SCUBE2: variants seen among roughly 807,000 people sequenced by gnomAD.
The protein encoded by SCUBE2 is signal peptide, CUB and EGF-like domain-containing protein 2.
Under a neutral mutation model 125.9 loss-of-function variants are expected in SCUBE2, and 114 were observed. The observed-to-expected ratio is 0.91, with a 90% CI of 0.78 to 1.06. SCUBE2 has a LOEUF of 1.06. SCUBE2 is among the 50% of genes least tolerant of loss of function. The pLI, the probability that SCUBE2 is intolerant of heterozygous loss-of-function variation, is 0.00. For missense variants in SCUBE2, 1,255 were observed against 1,301.8 expected (o/e 0.96, Z 0.55); for synonymous variants, 459 against 492.9 (o/e 0.93, Z 0.91).
intron 16 of SCUBE2, among the ~76,000 whole-genome samples, chr11:9,043,802 ATTTT>A (rs56287123): frequency 2.1e-5 from 3 of 140,282 alleles, no homozygotes; most frequent in Non-Finnish European, 3.1e-5. Context: ...TAAAATGACT[ATTTT>A]TTTTTTTTTT....
chr11:9,091,168 C>G lies in SCUBE2; in HGVS notation c.133+228G>C, dbSNP rs972481175. ...GAGGCATCCGGACCGGGGCGGGAAC[C>G]GTCAGCAGCTCCGGGTCCGAGGCCG... is the stretch of plus-strand genomic sequence containing the variant. On this transcript the variant is annotated intron_variant, in intron 1 of 22. Transcript: ENST00000649792. The surrounding 1 kb of genome is among the most constrained non-coding windows in gnomAD (Gnocchi z 8.5). Among the ~76,000 whole-genome samples the G allele has an allele frequency of 3.3e-5, 5 of 152,150 alleles. No individual in the cohort carries two copies. The highest frequency in any genetic ancestry group is 1.2e-4 in the African/African-American group (5 of 41,448).
chr11:9,045,828 C>A (rs1857675373), intron 16 of SCUBE2, among the ~76,000 whole-genome samples: 1 of 152,064 alleles, frequency 6.6e-6, no homozygotes, highest in Non-Finnish European at 1.5e-5. Flanking sequence ...AGACCTGGAC[C>A]TGATTTGATG....
Position 9,074,571 on chromosome 11 carries a change from A to G in SCUBE2, c.427T>C (p.Cys143Arg), listed in dbSNP as rs1406876554. ...LENNGGCQHT[C>R]VNVMGSYECC... ...TCATAGCTCCCCATGACGTTGACAC[A>G]GGTATGCTGGCAGCCGCCATTGTTC... is the stretch of plus-strand genomic sequence containing the variant. The change falls in exon 4 of 23, where the codon TGT becomes CGT. Residue 143 changes from cysteine (C) to arginine (R), a missense_variant. By Grantham distance (180) the Cys-to-Arg change is radical. Coordinates refer to ENST00000649792, the MANE Select transcript of SCUBE2 (RefSeq NM_001367977.2). The G allele has an allele frequency of 6.2e-7, 1 of 1,614,214 alleles. No homozygotes were observed. The highest frequency in any genetic ancestry group is 1.1e-5 in the South Asian group (1 of 91,086).
chr11:9,073,325 GT>G (rs1384143524), intron 4 of SCUBE2, among the ~76,000 whole-genome samples: 1 of 152,160 alleles, frequency 6.6e-6, no homozygotes, highest in Non-Finnish European at 1.5e-5. Flanking sequence ...ATCAAAGCCA[GT>G]ATGTGTGACT....
chr11:9,025,742 G>C lies in SCUBE2; in HGVS notation c.2814C>G (p.Asn938Lys), dbSNP rs1168291244. Reference sequence around the variant, plus strand: ...ATGGGACCTGGAACCCTCTAGCGCTGTTCCCTTCATTGGACTTGAACTGAA... The same window carrying C: ...ATGGGACCTGGAACCCTCTAGCGCTCTTCCCTTCATTGGACTTGAACTGAA... ...LWIQFKSNEG[N>K]SARGFQVPYV... Residue 938 changes from asparagine to lysine, a missense_variant, in exon 21 of 23, where the codon AAC (asparagine) becomes AAG (lysine). Physicochemically the swap from Asn to Lys is moderately conservative, Grantham distance 94. This residue lies in a region of SCUBE2 where 515 missense variants were observed against 515.7 expected (regional missense o/e 1.00). Transcript: ENST00000649792. The C allele has an allele frequency of 1.9e-6, 3 of 1,614,080 alleles. No homozygotes were observed. Among genetic ancestry groups the C allele is most frequent in the South Asian group, 1.1e-5 (1 of 91,080 alleles).
intron 16 of SCUBE2, among the ~76,000 whole-genome samples, chr11:9,034,657 T>C (rs1856603371): frequency 6.6e-6 from 1 of 152,078 alleles, no homozygotes; most frequent in Admixed American, 6.5e-5. Flanking sequence ...TCAAGACCCT[T>C]ACAAAATAGC....
Position 9,030,940 on chromosome 11 carries a change from AGCCTTACGTGAGCAAG to A in SCUBE2, c.2174-31_2174-16del. Reference sequence around the variant, plus strand: ...TTGACACAGACCTGGAAGGACCAATAGCCTTACGTGAGCAAGGCCTCCAGGCAGACCCTTGCTCCCC... The same window carrying A: ...TTGACACAGACCTGGAAGGACCAATAGCCTCCAGGCAGACCCTTGCTCCCC... On this transcript the variant is annotated splice_polypyrimidine_tract_variant and intron_variant, in intron 17 of 22. Coordinates refer to ENST00000649792, the MANE Select transcript of SCUBE2 (RefSeq NM_001367977.2). 6.2e-7 allele frequency: 1 copy of A among 1,608,720 alleles called. No homozygotes were observed. The highest frequency in any genetic ancestry group is 8.5e-7 in the Non-Finnish European group (1 of 1,176,708).
At chr11:9,052,624 C>T (rs570072794) in intron 13 of SCUBE2, 122 bp downstream of exon 13, 1 of 701,884 alleles carries the variant, frequency 1.4e-6, no homozygotes, top group Non-Finnish European at 2.3e-6. Context: ...CTGGAACATG[C>T]TCACAGCATC....
At chr11:9,089,196 C>T (rs996213706) in intron 2 of SCUBE2, among the ~76,000 whole-genome samples, 4 of 152,200 alleles carry the variant, frequency 2.6e-5, no homozygotes, top group Admixed American at 2.6e-4. Context: ...TAACTCCAAA[C>T]GAGGAAGGTC....
chr11:9,089,923 C>T (rs1862491973), intron 1 of SCUBE2, 94 bp from the exon 2 acceptor site: 6 of 1,456,308 alleles, frequency 4.1e-6, no homozygotes, highest in Non-Finnish European at 5.5e-6. Context: ...CCAGCCCACC[C>T]CGCTTCACTC....
chr11:9,081,666 AAACAAAC>A (rs1477179897), intron 2 of SCUBE2, among the ~76,000 whole-genome samples: 2 of 143,606 alleles, frequency 1.4e-5, no homozygotes, highest in Non-Finnish European at 3.0e-5. Context: ...AAAAACAAAC[AAACAAAC>A]AAAAAAAAAA....
At chr11:9,029,859 T>C (rs3751058) in intron 19 of SCUBE2, 25 bp downstream of exon 19, 178,925 of 1,613,456 alleles carry the variant, frequency 0.11, 11,128 homozygotes, top group South Asian at 0.23. Context: ...GCCAGAACTA[T>C]GAAAAGCCTT....
chr11:9,033,220 A>C (rs1856466112), intron 17 of SCUBE2, among the ~76,000 whole-genome samples: 1 of 152,204 alleles, frequency 6.6e-6, no homozygotes, highest in African/African-American at 2.4e-5. Context: ...AAACGGATAT[A>C]TTTGTTTTAA....
intron 4 of SCUBE2, among the ~76,000 whole-genome samples, chr11:9,073,363 C>T (rs559823732): frequency 1.3e-5 from 2 of 152,312 alleles, no homozygotes; most frequent in East Asian, 3.9e-4. Context: ...TGAGAATGAG[C>T]AGGCTCTGGG....
intron 3 of SCUBE2, among the ~76,000 whole-genome samples, chr11:9,077,716 C>A (rs1861313908): frequency 6.6e-6 from 1 of 152,204 alleles, no homozygotes; most frequent in African/African-American, 2.4e-5. Flanking sequence ...TTAAAGAGTC[C>A]TTACCCCATT....
intron 5 of SCUBE2, 49 bp from the exon 6 acceptor site, chr11:9,066,862 A>C: frequency 2.1e-6 from 3 of 1,439,276 alleles, no homozygotes; most frequent in African/African-American, 1.4e-5. Flanking sequence ...TTCCACAAAC[A>C]CAGGGCTGTG....
intron 2 of SCUBE2, among the ~76,000 whole-genome samples, chr11:9,084,812 T>C (rs1032892642): frequency 1.3e-5 from 2 of 152,210 alleles, no homozygotes; most frequent in Non-Finnish European, 2.9e-5. Flanking sequence ...GGTGCCATCA[T>C]AGCTCACTGC....
In SCUBE2 at chr11:9,027,344, A is replaced by G; in HGVS notation, c.2701+20T>C. 6.2e-7 allele frequency: 1 copy of G among 1,612,526 alleles called. No homozygotes were observed. The highest frequency in any genetic ancestry group is 8.5e-7 in the Non-Finnish European group (1 of 1,179,232). On this transcript the variant is annotated intron_variant, in intron 20 of 22. Coordinates refer to ENST00000649792, the MANE Select transcript of SCUBE2 (RefSeq NM_001367977.2). Reference sequence around the variant, plus strand: ...GCTTCCCAGCTGGCCTGAGAAAGGGAGGGAGGGAGTGAGACGCACAGGTTT... The same window carrying G: ...GCTTCCCAGCTGGCCTGAGAAAGGGGGGGAGGGAGTGAGACGCACAGGTTT...
At chr11:9,075,378 T>C (rs948357610) in intron 3 of SCUBE2, among the ~76,000 whole-genome samples, 2 of 152,002 alleles carry the variant, frequency 1.3e-5, no homozygotes, top group Non-Finnish European at 2.9e-5. Context: ...GATGGGCCCT[T>C]AGGATTGTCC....
Sources: gnomAD v4.1 joint callset for allele counts (sites outside exome capture counted in the v4.1 genomes callset) on GRCh38, gnomAD v4.1.1 for gene constraint, gnomAD v4.1.1 regional missense constraint, Gnocchi (gnomAD v3.1) non-coding constraint, MANE v1.5 for transcripts, NCBI Gene and HGNC (gene_info 2026-07-23, HGNC 2026-07-21) for gene names.